Variants in LINGO2 observed in about 807,000 individuals in gnomAD.
The protein encoded by LINGO2 is leucine-rich repeat and immunoglobulin-like domain-containing nogo receptor-interacting protein 2.
A neutral mutation model predicts 30.6 loss-of-function variants in LINGO2; 14 were observed. The observed-to-expected ratio is 0.46, with a 90% confidence interval of 0.30 to 0.72. The LOEUF is 0.72. Among genes scored for constraint, LINGO2 ranks in the 30% least tolerant of loss-of-function variants. The pLI is 0.07. For synonymous variants in LINGO2, 317 were observed against 288.5 expected (o/e 1.10, Z -1.00); for missense variants, 729 against 751.7 (o/e 0.97, Z 0.35).
chr9:28,466,126 A>C (rs974729305), intron 2 of LINGO2, among the ~76,000 whole-genome samples: 5 of 152,170 alleles, frequency 3.3e-5, no homozygotes, highest in Non-Finnish European at 5.9e-5. Flanking sequence ...ATACTCCCCC[A>C]AAAAACAAAG....
chr9:29,170,734 A>G, the LINGO2 span, among the ~76,000 whole-genome samples: 1 of 152,188 alleles, frequency 6.6e-6, no homozygotes, highest in Non-Finnish European at 1.5e-5. Context: ...TTAATGTAAG[A>G]AAGACAAGTT....
At chr9:28,634,967 A>G (rs1470277015) in intron 1 of LINGO2, among the ~76,000 whole-genome samples, 12 of 152,178 alleles carry the variant, frequency 7.9e-5, no homozygotes, top group Admixed American at 7.2e-4. Flanking sequence ...TTGAAACATT[A>G]GAGATGGGAA....
At chr9:28,876,653 C>T in the LINGO2 span, among the ~76,000 whole-genome samples, 3 of 151,982 alleles carry the variant, frequency 2.0e-5, no homozygotes, top group African/African-American at 4.8e-5. Flanking sequence ...TCTATCGTTG[C>T]TGGACATTTG....
the LINGO2 span, among the ~76,000 whole-genome samples, chr9:28,706,319 A>G: frequency 1.9e-4 from 29 of 152,310 alleles, no homozygotes; most frequent in Admixed American, 4.6e-4. Flanking sequence ...AATAGTAGCC[A>G]TTCAAAAAAG....
At chr9:28,638,579 T>A (rs1041939139) in intron 1 of LINGO2, among the ~76,000 whole-genome samples, 1 of 152,212 alleles carries the variant, frequency 6.6e-6, no homozygotes, top group African/African-American at 2.4e-5. Flanking sequence ...TTTACCCATT[T>A]CTTCTAGCTT....
At chr9:29,030,509 A>G in the LINGO2 span, among the ~76,000 whole-genome samples, 1 of 152,014 alleles carries the variant, frequency 6.6e-6, no homozygotes, top group Non-Finnish European at 1.5e-5. Context: ...GTTTCCTCCA[A>G]CCTATGACAG....
At chr9:29,065,252 T>G in the LINGO2 span, among the ~76,000 whole-genome samples, 1 of 152,180 alleles carries the variant, frequency 6.6e-6, no homozygotes, top group East Asian at 1.9e-4. Context: ...TTTATTTTGC[T>G]GTGTAGAAGC....
chr9:28,731,372 G>A, the LINGO2 span, among the ~76,000 whole-genome samples: 1 of 152,104 alleles, frequency 6.6e-6, no homozygotes, highest in Non-Finnish European at 1.5e-5. Flanking sequence ...CAATAAAATG[G>A]AAGTAACTAT....
the LINGO2 span, among the ~76,000 whole-genome samples, chr9:28,774,025 G>A: frequency 1.4e-5 from 2 of 142,794 alleles, no homozygotes; most frequent in African/African-American, 5.1e-5. Flanking sequence ...TGGGCCAAAT[G>A]TCATTTTCTT....
chr9:28,483,184 T>C (rs1826043158), intron 1 of LINGO2, among the ~76,000 whole-genome samples: 1 of 152,126 alleles, frequency 6.6e-6, no homozygotes, highest in Admixed American at 6.6e-5. Context: ...TTGTTTCTCC[T>C]TAACTCTATT....
At chr9:28,872,979 A>T in the LINGO2 span, among the ~76,000 whole-genome samples, 1 of 152,170 alleles carries the variant, frequency 6.6e-6, no homozygotes, top group African/African-American at 2.4e-5. Flanking sequence ...TAAATCAGTT[A>T]AACATAATCC....
chr9:29,079,243 G>A, the LINGO2 span, among the ~76,000 whole-genome samples: 3 of 151,840 alleles, frequency 2.0e-5, no homozygotes, highest in Non-Finnish European at 2.9e-5. Context: ...TCTACTTATG[G>A]TATATTGAAA....
the LINGO2 span, among the ~76,000 whole-genome samples, chr9:28,780,671 T>C: frequency 2.6e-5 from 4 of 152,254 alleles, no homozygotes; most frequent in Non-Finnish European, 4.4e-5. Context: ...CATTGTGTAT[T>C]ACTTTTAAGG....
At chr9:28,734,672 A>T in the LINGO2 span, among the ~76,000 whole-genome samples, 2 of 152,192 alleles carry the variant, frequency 1.3e-5, no homozygotes, top group East Asian at 3.9e-4. Context: ...ATGATGAAGT[A>T]AATTAATACT....
intron 4 of LINGO2, among the ~76,000 whole-genome samples, chr9:28,241,382 T>C (rs1388529523): frequency 1.3e-5 from 2 of 148,860 alleles, no homozygotes; most frequent in East Asian, 4.0e-4. Flanking sequence ...ATCAAAAAGA[T>C]CCAAACAGTG....
At chr9:28,824,004 G>GA in the LINGO2 span, among the ~76,000 whole-genome samples, 24 of 150,630 alleles carry the variant, frequency 1.6e-4, no homozygotes, top group African/African-American at 5.6e-4. Flanking sequence ...CAAAGAAACA[G>GA]AAAAAAAAAG....
chr9:28,563,706 G>C (rs1306395671), intron 1 of LINGO2, among the ~76,000 whole-genome samples: 1 of 152,104 alleles, frequency 6.6e-6, no homozygotes, highest in Non-Finnish European at 1.5e-5. Context: ...CCTGGCATAA[G>C]TCCTCATGAA....
At chr9:29,007,079 T>C in the LINGO2 span, among the ~76,000 whole-genome samples, 1 of 152,122 alleles carries the variant, frequency 6.6e-6, no homozygotes, top group Admixed American at 6.6e-5. Context: ...ATACCGTAAG[T>C]ATAATTTTTA....
chr9:28,309,469 T>C (rs1587439963), intron 3 of LINGO2, among the ~76,000 whole-genome samples: 1 of 151,806 alleles, frequency 6.6e-6, no homozygotes, highest in South Asian at 2.1e-4. Context: ...CATTAGGATA[T>C]ATACCTAATG....
Sources: allele counts gnomAD v4.1 joint callset (sites outside exome capture counted in the v4.1 genomes callset), GRCh38; gene constraint gnomAD v4.1.1; transcripts MANE v1.5; gene names NCBI Gene and HGNC (gene_info 2026-07-23, HGNC 2026-07-21).